The following ITK variants were observed in gnomAD, a reference collection of about 807,000 sequenced individuals.
ITK encodes IL2 inducible T cell kinase.
Under a neutral mutation model 87.6 loss-of-function variants are expected in ITK, and 45 were observed. That is an observed-to-expected ratio of 0.51 (90% CI 0.40 to 0.66). ITK has a LOEUF of 0.66. ITK is among the 30% of genes least tolerant of loss of function. The pLI is 0.00. For missense variants in ITK, 605 were observed against 766.3 expected, an observed-to-expected ratio of 0.79 and a Z score of 2.48; for synonymous variants, 303 against 273.6, an observed-to-expected ratio of 1.11 and a Z score of -1.06.
At chr5:157,190,184 A>C (rs1167489720) in intron 1 of ITK, among the ~76,000 whole-genome samples, 1 of 152,208 alleles carries the variant, frequency 6.6e-6, no homozygotes, top group African/African-American at 2.4e-5. Flanking sequence ...ATTTGTAAGT[A>C]GGCTTCTCAT....
intron 1 of ITK, among the ~76,000 whole-genome samples, chr5:157,183,717 A>G (rs1753587287): frequency 6.6e-6 from 1 of 152,194 alleles, no homozygotes; most frequent in South Asian, 2.1e-4. Context: ...TACATGCATT[A>G]TGAGCTGTTT....
At chr5:157,241,752 G>A in intron 11 of ITK, 32 bp downstream of exon 11, 1 of 1,539,464 alleles carries the variant, frequency 6.5e-7, no homozygotes, top group South Asian at 1.1e-5. Context: ...GTAAACTCAT[G>A]TCCCTAAAGG....
chr5:157,184,186 A>G (rs1279607346), intron 1 of ITK, among the ~76,000 whole-genome samples: 1 of 152,180 alleles, frequency 6.6e-6, no homozygotes, highest in South Asian at 2.1e-4. Flanking sequence ...ATTCTATGAC[A>G]GAGGACAATG....
intron 1 of ITK, among the ~76,000 whole-genome samples, chr5:157,189,219 T>C (rs1753703869): frequency 6.6e-6 from 1 of 152,226 alleles, no homozygotes; most frequent in South Asian, 2.1e-4. Context: ...TTTATGGAGA[T>C]AACCGTTGTA....
intron 11 of ITK, among the ~76,000 whole-genome samples, chr5:157,242,746 A>C (rs1458441558): frequency 1.3e-5 from 2 of 152,210 alleles, no homozygotes; most frequent in Admixed American, 1.3e-4. Flanking sequence ...GGCATGAGCC[A>C]CTGTGCCCAG....
intron 8 of ITK, 86 bp downstream of exon 8, chr5:157,232,480 G>A: frequency 1.1e-6 from 1 of 935,712 alleles, no homozygotes. Flanking sequence ...GATTTGGCAG[G>A]CCAAGGTGGG....
chr5:157,187,756 C>T (rs1007922155), intron 1 of ITK, among the ~76,000 whole-genome samples: 2 of 152,032 alleles, frequency 1.3e-5, no homozygotes, highest in Non-Finnish European at 2.9e-5. Context: ...GCCTGTCTTA[C>T]CCCTCCTTCC....
rs535018478 is a variant in ITK at position 157,243,604 on chromosome 5, C to T, written c.1061-19C>T. ...TCTACTGCTTGCTGACCCCAGAGAA[C>T]TCTCTCTCTCTCTTCCAGGGAAATG... On this transcript the variant is annotated intron_variant, in intron 11 of 16. Transcript: ENST00000422843. 1.1e-5 allele frequency: 17 copies of T among 1,516,870 alleles called. No individual in the cohort carries two copies. In the African/African-American group the frequency reaches 1.2e-4, roughly 11 times the overall value. The allele number at this position is 1,516,870 out of a possible 1,614,324, so 94.0% of individuals were successfully genotyped here. A position where few individuals can be genotyped will look rare whatever the true frequency, so the allele number is the denominator to read the frequency against.
intron 8 of ITK, among the ~76,000 whole-genome samples, chr5:157,236,671 C>T (rs186749823): frequency 3.9e-5 from 6 of 152,034 alleles, no homozygotes; most frequent in East Asian, 1.9e-4. Context: ...AAGTTTACAG[C>T]GGGGTAGGAA....
chr5:157,188,444 C>T (rs1753688752), intron 1 of ITK, among the ~76,000 whole-genome samples: 2 of 152,198 alleles, frequency 1.3e-5, no homozygotes, highest in Admixed American at 6.5e-5. Context: ...CATCTGCCTT[C>T]TTCCTGAACC....
chr5:157,231,595 C>G (rs1172281241), intron 7 of ITK, among the ~76,000 whole-genome samples: 1 of 152,144 alleles, frequency 6.6e-6, no homozygotes, highest in Non-Finnish European at 1.5e-5. Flanking sequence ...TTCTCTCCTC[C>G]TGCATTTATT....
chr5:157,247,517 C>T (rs1478892990), intron 15 of ITK, among the ~76,000 whole-genome samples: 1 of 152,218 alleles, frequency 6.6e-6, no homozygotes, highest in Non-Finnish European at 1.5e-5. Flanking sequence ...CACCTTCTGA[C>T]TCTGAATGGG....
intron 5 of ITK, among the ~76,000 whole-genome samples, chr5:157,219,134 T>G (rs1330610825): frequency 2.8e-5 from 4 of 144,926 alleles, no homozygotes; most frequent in Non-Finnish European, 6.0e-5. Context: ...TTTTTTGAGA[T>G]AGAGTCTTGC....
At position 157,181,077 on chromosome 5, in the gene ITK, A is replaced by G; in HGVS notation, c.100A>G (p.Thr34Ala). 6.2e-7 allele frequency: 1 copy of G among 1,614,098 alleles called. No individual in the cohort carries two copies. Reference protein sequence around the residue: ...SNFKVRFFVLTKASLAYFEDR... With the variant: ...SNFKVRFFVLAKASLAYFEDR... ...CTTTAAAGTCCGCTTCTTTGTGTTA[A>G]CCAAAGCCAGCCTGGCATACTTTGA... Residue 34 changes from threonine (T) to alanine (A), a missense_variant, in exon 1 of 17, where the codon ACC becomes GCC. Physicochemically the swap from Thr to Ala is moderately conservative, Grantham distance 58 (BLOSUM62 0). Around this residue, in one of 3 missense-constraint regions of ITK, gnomAD observed 464 missense variants for 578.0 expected, o/e 0.80. Coordinates refer to ENST00000422843, the MANE Select transcript of ITK (RefSeq NM_005546.4).
chr5:157,211,262 T>C (rs1166696828), intron 2 of ITK, 25 bp from the exon 3 acceptor site: 2 of 1,602,654 alleles, frequency 1.2e-6, no homozygotes, highest in South Asian at 2.2e-5. Context: ...GCTGCTCACC[T>C]TGAACTCTGT....
chr5:157,229,511 A>G (rs1377869689), intron 7 of ITK, among the ~76,000 whole-genome samples: 3 of 152,246 alleles, frequency 2.0e-5, no homozygotes, highest in African/African-American at 7.2e-5. Context: ...GATATATTAG[A>G]CAAATCCAAA....
intron 9 of ITK, among the ~76,000 whole-genome samples, chr5:157,239,198 C>G (rs1037424890): frequency 6.6e-6 from 1 of 152,090 alleles, no homozygotes; most frequent in African/African-American, 2.4e-5. Context: ...AGGAGGCCTT[C>G]CAGGACAAAG....
intron 4 of ITK, among the ~76,000 whole-genome samples, chr5:157,215,892 T>A (rs1421721765): frequency 6.6e-6 from 1 of 152,194 alleles, no homozygotes; most frequent in Non-Finnish European, 1.5e-5. Context: ...CGCAAGTATT[T>A]CCCTCCTCCA....
intron 4 of ITK, among the ~76,000 whole-genome samples, chr5:157,216,820 T>C (rs1023953108): frequency 1.3e-5 from 2 of 152,150 alleles, no homozygotes; most frequent in African/African-American, 2.4e-5. Flanking sequence ...GTTTTCCTTC[T>C]TCTGTGGTCA....
Sources: allele counts gnomAD v4.1 joint callset (sites outside exome capture counted in the v4.1 genomes callset), GRCh38; gene constraint gnomAD v4.1.1; regional missense constraint gnomAD v4.1.1; transcripts MANE v1.5; gene names NCBI Gene and HGNC (gene_info 2026-07-23, HGNC 2026-07-21).